The following NPHP4 variants were observed in gnomAD, a reference collection of about 807,000 sequenced individuals.
The protein encoded by NPHP4 is nephrocystin 4.
A neutral mutation model predicts 155.8 loss-of-function variants in NPHP4; 151 were observed. The ratio of observed to expected loss-of-function variants is 0.97; its 90% CI spans 0.85 to 1.11. NPHP4 has a LOEUF of 1.11. Ranked by LOEUF, NPHP4 falls within the 50% of genes least tolerant of loss-of-function variation. The pLI is 0.00. For missense variants in NPHP4, 1,956 were observed against 1,925.7 expected (o/e 1.02, Z -0.29); for synonymous variants, 845 against 816.8 (o/e 1.03, Z -0.59).
chr1:5,888,473 T>C (rs1643934270), intron 17 of NPHP4: 1 of 1,219,358 alleles, frequency 8.2e-7, no homozygotes, highest in Non-Finnish European at 1.0e-6. Context: ...ACCCTTCCCT[T>C]GTGGGTCTGG....
Position 5,865,276 on chromosome 1 carries a change from G to A in NPHP4, c.3645-3C>T. Reference sequence around the variant, plus strand: ...TGGGTGTCGCCAGCCAGCGATCCCTGCAGTGGGATGGGAGCCATCTGCACT... The same window carrying A: ...TGGGTGTCGCCAGCCAGCGATCCCTACAGTGGGATGGGAGCCATCTGCACT... On this transcript the variant is annotated splice_polypyrimidine_tract_variant and splice_region_variant and intron_variant, in intron 26 of 29. Transcript: ENST00000378156. The A allele has an allele frequency of 6.5e-7, 1 of 1,546,242 alleles. No individual in the cohort carries two copies. The highest frequency in any genetic ancestry group is 8.8e-7 in the Non-Finnish European group (1 of 1,138,670).
intron 6 of NPHP4, among the ~76,000 whole-genome samples, chr1:5,953,928 G>A (rs1215979396): frequency 6.6e-6 from 1 of 152,012 alleles, no homozygotes; most frequent in African/African-American, 2.4e-5. Context: ...TACTTATGTA[G>A]ATATGTAGAT....
At chr1:5,963,759 C>T (rs1219664888) in intron 5 of NPHP4, among the ~76,000 whole-genome samples, 1 of 148,966 alleles carries the variant, frequency 6.7e-6, no homozygotes, top group Non-Finnish European at 1.5e-5. Context: ...ATGATCTCGG[C>T]TCACTGCAAC....
chr1:5,866,282 C>T, intron 26 of NPHP4, 91 bp downstream of exon 26: 1 of 865,146 alleles, frequency 1.2e-6, no homozygotes, highest in Non-Finnish European at 1.9e-6. Context: ...TAGGAAGGGG[C>T]CAAGCCCACT....
intron 6 of NPHP4, among the ~76,000 whole-genome samples, chr1:5,954,045 T>C (rs1243176778): frequency 6.6e-6 from 1 of 152,246 alleles, no homozygotes; most frequent in Non-Finnish European, 1.5e-5. Flanking sequence ...CTGAAGATTA[T>C]GAGTCAGTAT....
intron 23 of NPHP4, among the ~76,000 whole-genome samples, chr1:5,869,919 A>G (rs771496086): frequency 2.0e-5 from 3 of 152,260 alleles, no homozygotes; most frequent in African/African-American, 4.8e-5. Flanking sequence ...CTGCAAATTC[A>G]TGGTCTTCAG....
intron 16 of NPHP4, among the ~76,000 whole-genome samples, chr1:5,896,884 G>T (rs539364979): frequency 6.6e-6 from 1 of 152,140 alleles, no homozygotes; most frequent in Non-Finnish European, 1.5e-5. Context: ...GTGAAAGGCC[G>T]GAAGGGCTCC....
At position 5,930,781 on chromosome 1, in the gene NPHP4, T is replaced by C. The variant is rs1308437853; in HGVS notation, c.1302+2366A>G. The stretch of plus-strand genomic sequence containing the variant: ...GAGTGCTCTATAAATATCATTCCGA[T>C]CCAGTTGGTCGATGGCGATGTTCAG... On this transcript the variant is annotated intron_variant, in intron 10 of 29. Transcript: ENST00000378156. Among the ~76,000 whole-genome samples the C allele has an allele frequency of 2.0e-5, 3 of 152,248 alleles. 1 individual carries two copies. In the East Asian group the frequency reaches 5.8e-4, roughly 29 times the overall value.
Position 5,905,836 on chromosome 1 carries a change from C to T in NPHP4, c.1612-53G>A. 1.3e-6 allele frequency: 2 copies of T among 1,537,070 alleles called. No individual in the cohort carries two copies. Among genetic ancestry groups the T allele is most frequent in the Non-Finnish European group, 8.8e-7 (1 of 1,132,350 alleles). Reference sequence around the variant, plus strand: ...GGCCACCAAGGACCCCAACCCGTAACAACCAACGGTGCTCAGATCTAAGGG... The same window carrying T: ...GGCCACCAAGGACCCCAACCCGTAATAACCAACGGTGCTCAGATCTAAGGG... On this transcript the variant is annotated intron_variant, in intron 13 of 29. Coordinates refer to ENST00000378156, the MANE Select transcript of NPHP4 (RefSeq NM_015102.5). This position sits in a 1 kb window ranked among gnomAD's most constrained non-coding sequence, Gnocchi z 4.0.
At chr1:5,977,950 T>C (rs1195962859) in intron 3 of NPHP4, among the ~76,000 whole-genome samples, 1 of 140,932 alleles carries the variant, frequency 7.1e-6, no homozygotes, top group Non-Finnish European at 1.6e-5. Context: ...GCAGCAGCCA[T>C]AGATGAGGTC....
In NPHP4 at chr1:5,890,919, G is replaced by A. The variant is rs375109277; in HGVS notation, c.2253C>T (p.Val751=). Residue 751 remains valine, a synonymous_variant, in exon 17 of 30, where the codon GTC becomes GTT. Transcript: ENST00000378156. The surrounding 1 kb of genome is among the most constrained non-coding windows in gnomAD (Gnocchi z 4.9). ...TGAGCAGCAGGGAGTCTCCGTCCCA[G>A]ACGTCAATCTGCAGGGTCTGCACGG... is the stretch of plus-strand genomic sequence containing the variant. ...YLAVQTLQID[V]WDGDSLLLIG... is the part of the protein sequence containing the mutation. 41 of 1,610,342 alleles carry A rather than the reference G, an allele frequency of 2.5e-5. No individual in the cohort carries two copies. Among genetic ancestry groups the A allele is most frequent in the Non-Finnish European group, 3.2e-5 (38 of 1,178,084 alleles).
chr1:5,864,741 G>A (rs1431711202), intron 27 of NPHP4: 2 of 542,540 alleles, frequency 3.7e-6, no homozygotes, highest in East Asian at 2.9e-5. Context: ...CCTAAGCGCT[G>A]CCTCCGCAGA....
Position 5,867,936 on chromosome 1 carries a change from G to A in NPHP4, c.3316-40C>T. 3.1e-6 allele frequency: 5 copies of A among 1,611,264 alleles called. No individual in the cohort carries two copies. Among genetic ancestry groups the A allele is most frequent in the Non-Finnish European group, 4.2e-6 (5 of 1,177,472 alleles). On this transcript the variant is annotated intron_variant, in intron 23 of 29. Transcript: ENST00000378156. This position sits in a 1 kb window ranked among gnomAD's most constrained non-coding sequence, Gnocchi z 4.1. ...CGCTGAGTGTTGGGATGGGCACGAG[G>A]CTTGTGAGCAGCTTCTTGTCCCTCC...
chr1:5,943,084 G>A (rs979191332), intron 9 of NPHP4, among the ~76,000 whole-genome samples: 1 of 152,210 alleles, frequency 6.6e-6, no homozygotes, highest in African/African-American at 2.4e-5. Flanking sequence ...AGTCAAATGA[G>A]GTTGCACTGT....
chr1:5,887,527 C>G (rs1459026883), intron 17 of NPHP4, 61 bp from the exon 18 acceptor site: 3 of 1,550,296 alleles, frequency 1.9e-6, no homozygotes, highest in Non-Finnish European at 2.6e-6. Flanking sequence ...TCCACCAGCC[C>G]TGCAGGTGGA....
intron 20 of NPHP4, 71 bp from the exon 21 acceptor site, chr1:5,875,171 G>C (rs1642455169): frequency 8.7e-7 from 1 of 1,155,258 alleles, no homozygotes; most frequent in African/African-American, 1.5e-5. Context: ...ATTGCTGGCT[G>C]CCCACCACCC....
chr1:5,894,563 A>G (rs1644301243), intron 16 of NPHP4, among the ~76,000 whole-genome samples: 1 of 152,200 alleles, frequency 6.6e-6, no homozygotes, highest in South Asian at 2.1e-4. Flanking sequence ...AACAATAATA[A>G]TAATGAAAAT....
chr1:5,915,769 C>T (rs1404617990), intron 11 of NPHP4, among the ~76,000 whole-genome samples: 1 of 152,162 alleles, frequency 6.6e-6, no homozygotes, highest in Non-Finnish European at 1.5e-5. Context: ...TGCTCTGACC[C>T]ACTGTCCCAC....
At position 5,877,198 on chromosome 1, in the gene NPHP4, G is replaced by T; in HGVS notation, c.2712C>A (p.Val904=). 1 of 1,605,568 alleles carries T rather than the reference G, an allele frequency of 6.2e-7. No individual in the cohort carries two copies. Among genetic ancestry groups the T allele is most frequent in the South Asian group, 1.1e-5 (1 of 89,708 alleles). ...TGCGGGTGGCATCCGACTCGCGGCT[G>T]ACGTCCTGGGGCCCCTTGCCCTGCC... ...HARQGKGPQD[V]SRESDATRRR... The change falls in exon 20 of 30, where the codon GTC becomes GTA. Residue 904 remains valine (V), a synonymous_variant. Coordinates refer to ENST00000378156, the MANE Select transcript of NPHP4 (RefSeq NM_015102.5).
Sources: gnomAD v4.1 joint callset for allele counts (sites outside exome capture counted in the v4.1 genomes callset) on GRCh38, gnomAD v4.1.1 for gene constraint, Gnocchi (gnomAD v3.1) non-coding constraint, MANE v1.5 for transcripts, NCBI Gene and HGNC (gene_info 2026-07-23, HGNC 2026-07-21) for gene names.